Variants in CBR4 observed in about 807,000 individuals in gnomAD.
The protein encoded by CBR4 is 3-oxoacyl-[acyl-carrier-protein] reductase.
Under a neutral mutation model 21.0 loss-of-function variants are expected in CBR4, and 22 were observed. The ratio of observed to expected loss-of-function variants is 1.05; its 90% confidence interval spans 0.75 to 1.50. The LOEUF (loss-of-function observed/expected upper bound fraction) is 1.50, where lower values mean the gene tolerates loss of function less well. Ranked by LOEUF, CBR4 falls within the 40% of genes most tolerant of loss-of-function variation. CBR4 has a pLI of 0.00. For synonymous variants in CBR4, 100 were observed against 104.4 expected, an observed-to-expected ratio of 0.96 and a Z score of 0.26; for missense variants, 302 against 286.3, an observed-to-expected ratio of 1.05 and a Z score of -0.40.
At chr4:168,907,748 G>A (rs1054699120) in intron 2 of CBR4, among the ~76,000 whole-genome samples, 3 of 152,144 alleles carry the variant, frequency 2.0e-5, no homozygotes, top group Non-Finnish European at 2.9e-5. Context: ...GCAATGAGAA[G>A]TGGACCAAGA....
intron 4 of CBR4, among the ~76,000 whole-genome samples, chr4:168,992,099 G>A (rs772573529): frequency 7.2e-5 from 11 of 152,072 alleles, no homozygotes; most frequent in African/African-American, 1.7e-4. Context: ...AAATATCTAC[G>A]CATTTTCTTA....
intron 2 of CBR4, among the ~76,000 whole-genome samples, chr4:168,917,674 A>G (rs1760473867): frequency 6.6e-6 from 1 of 152,184 alleles, no homozygotes; most frequent in Admixed American, 6.5e-5. Flanking sequence ...GTTTCTTCAG[A>G]AAGTAAATCT....
intron 2 of CBR4, among the ~76,000 whole-genome samples, chr4:168,944,150 G>A (rs1267708945): frequency 6.6e-6 from 1 of 151,906 alleles, no homozygotes; most frequent in Non-Finnish European, 1.5e-5. Context: ...CACTCATAAA[G>A]TTTTGAGTTT....
At chr4:168,926,697 T>TATTA (rs1762620737) in intron 2 of CBR4, 1 of 342,856 alleles carries the variant, frequency 2.9e-6, no homozygotes, top group African/African-American at 2.1e-5. Flanking sequence ...CTACAATTTG[T>TATTA]ATTATCTACA....
intron 2 of CBR4, among the ~76,000 whole-genome samples, chr4:168,911,169 G>T (rs1758869093): frequency 6.6e-6 from 1 of 152,140 alleles, no homozygotes. Context: ...AGAAACAAAG[G>T]CTTGAACAAA....
At chr4:168,918,032 C>G (rs1760570315) in intron 2 of CBR4, among the ~76,000 whole-genome samples, 1 of 151,936 alleles carries the variant, frequency 6.6e-6, no homozygotes, top group Admixed American at 6.6e-5. Flanking sequence ...AACCCCATCT[C>G]TACTAAAAAT....
chr4:168,998,540 T>C (rs1765313564), intron 4 of CBR4, among the ~76,000 whole-genome samples: 1 of 152,256 alleles, frequency 6.6e-6, no homozygotes, highest in South Asian at 2.1e-4. Flanking sequence ...AAATAGGGAA[T>C]GAATGTTAAT....
rs1049775430 is a variant in CBR4 at position 169,006,688 on chromosome 4, G to A, written c.400+67C>T. ...ATGTTTCACAATAAATCACAAATTC[G>A]TGGATTAAATATTTTTATGGTATGG... On this transcript the variant is annotated intron_variant, in intron 3 of 4. Coordinates refer to ENST00000306193, the MANE Select transcript of CBR4 (RefSeq NM_032783.5). The A allele has an allele frequency of 2.0e-5, 26 of 1,331,772 alleles. 1 individual carries two copies. In the African/African-American group the frequency reaches 2.1e-4, roughly 11 times the overall value. 82.5% of individuals were successfully genotyped at this position (1,331,772 alleles called of 1,614,324 possible). A position where few individuals can be genotyped will look rare whatever the true frequency, so the allele number is the denominator to read the frequency against.
intron 2 of CBR4, among the ~76,000 whole-genome samples, chr4:168,938,459 A>C (rs1763172088): frequency 6.6e-6 from 1 of 152,218 alleles, no homozygotes; most frequent in Non-Finnish European, 1.5e-5. Context: ...GAAATAACTA[A>C]GATCAGAGCA....
At chr4:168,912,471 A>G (rs560103862) in intron 2 of CBR4, among the ~76,000 whole-genome samples, 1 of 152,340 alleles carries the variant, frequency 6.6e-6, no homozygotes, top group Non-Finnish European at 1.5e-5. Flanking sequence ...AAACAAATTA[A>G]GAGAAAGGGC....
At chr4:169,001,614 T>C (rs1467246490) in intron 4 of CBR4, 1 of 152,310 alleles carries the variant, frequency 6.6e-6, no homozygotes, top group Non-Finnish European at 1.5e-5. Context: ...CTCCACATGG[T>C]AAATAATGAG....
At chr4:168,905,338 T>C (rs1022847333) in intron 2 of CBR4, among the ~76,000 whole-genome samples, 4 of 151,114 alleles carry the variant, frequency 2.6e-5, no homozygotes, top group African/African-American at 9.7e-5. Context: ...TTAGTAGAGA[T>C]GGGGTTTCAC....
intron 2 of CBR4, among the ~76,000 whole-genome samples, chr4:168,945,380 C>T (rs1763373235): frequency 6.6e-6 from 1 of 152,214 alleles, no homozygotes; most frequent in Non-Finnish European, 1.5e-5. Context: ...AATAAATAAT[C>T]TTCCTTCAGG....
chr4:168,978,607 T>G (rs1399809940), intron 2 of CBR4, among the ~76,000 whole-genome samples: 1 of 152,106 alleles, frequency 6.6e-6, no homozygotes, highest in Non-Finnish European at 1.5e-5. Flanking sequence ...TCTGGAGACC[T>G]CCCCTGACCC....
chr4:168,936,933 G>A (rs1763128949), intron 2 of CBR4, among the ~76,000 whole-genome samples: 1 of 152,088 alleles, frequency 6.6e-6, no homozygotes, highest in African/African-American at 2.4e-5. Flanking sequence ...GAAATACAGA[G>A]AAAACAAAGA....
intron 2 of CBR4, among the ~76,000 whole-genome samples, chr4:168,954,111 A>C (rs1763620767): frequency 6.6e-6 from 1 of 152,212 alleles, no homozygotes; most frequent in African/African-American, 2.4e-5. Flanking sequence ...ACCTAAATCA[A>C]AGACTACCAC....
At chr4:168,997,393 A>G (rs1765256064) in intron 4 of CBR4, among the ~76,000 whole-genome samples, 1 of 152,214 alleles carries the variant, frequency 6.6e-6, no homozygotes, top group East Asian at 1.9e-4. Context: ...CTTGCTCAAA[A>G]AGGTAAATGC....
chr4:168,937,025 G>T (rs998437688), intron 2 of CBR4, among the ~76,000 whole-genome samples: 1 of 152,048 alleles, frequency 6.6e-6, no homozygotes, highest in Admixed American at 6.6e-5. Context: ...AATGTTATCG[G>T]CAGCCAGAGA....
chr4:168,953,538 A>C (rs1763604961), intron 2 of CBR4, among the ~76,000 whole-genome samples: 2 of 151,426 alleles, frequency 1.3e-5, no homozygotes, highest in African/African-American at 4.9e-5. Flanking sequence ...CAATCCTCCT[A>C]CATCAGCCTC....
Sources: gnomAD v4.1 joint callset for allele counts (sites outside exome capture counted in the v4.1 genomes callset) on GRCh38, gnomAD v4.1.1 for gene constraint, MANE v1.5 for transcripts, NCBI Gene and HGNC (gene_info 2026-07-23, HGNC 2026-07-21) for gene names.